The following GAS2 variants were observed in gnomAD, a reference collection of about 807,000 sequenced individuals.
The protein encoded by GAS2 is growth arrest specific 2.
In GAS2, 20 loss-of-function variants were observed where a neutral mutation model predicts 37.5. The ratio of observed to expected loss-of-function variants is 0.53; its 90% confidence interval spans 0.37 to 0.77. The LOEUF is 0.77. GAS2 is among the 30% of genes least tolerant of loss of function. GAS2 has a pLI of 0.00. For synonymous variants in GAS2, 144 were observed against 132.2 expected (o/e 1.09, Z -0.61); for missense variants, 336 against 373.4 (o/e 0.90, Z 0.82).
chr11:22,641,573 G>T (rs12274782), intron 1 of GAS2, among the ~76,000 whole-genome samples: 2,426 of 149,080 alleles, frequency 0.016, 91 homozygotes, highest in African/African-American at 0.056. Context: ...ATTATTCCTT[G>T]CAACTGTAGG....
At chr11:22,650,212 A>G (rs1352596216) in intron 1 of GAS2, among the ~76,000 whole-genome samples, 16 of 150,874 alleles carry the variant, frequency 1.1e-4, no homozygotes, top group African/African-American at 2.9e-4. Flanking sequence ...TTCAGTTTCC[A>G]TGTAGTTGAG....
intron 3 of GAS2, among the ~76,000 whole-genome samples, chr11:22,708,697 A>G (rs1050540410): frequency 3.3e-5 from 5 of 152,166 alleles, no homozygotes; most frequent in African/African-American, 1.2e-4. Flanking sequence ...GATAGGTATT[A>G]CACTAGGTGC....
rs541676026 is a variant in GAS2 at position 22,637,260 on chromosome 11, T to TAAA, written c.-21+11448_-21+11449insAAA. 3.3e-3 allele frequency among the ~76,000 whole-genome samples: 13 copies of TAAA among 3,978 alleles called. 4 individuals carry two copies. The highest frequency in any genetic ancestry group is 0.012 in the African/African-American group (13 of 1,080). 2.6% of individuals were successfully genotyped at this position (3,978 alleles called of 152,430 possible). A position where few individuals can be genotyped will look rare whatever the true frequency, so the allele number is the denominator to read the frequency against. On this transcript the variant is annotated intron_variant, in intron 1 of 5. Coordinates refer to the GAS2 transcript ENST00000528582. The stretch of plus-strand genomic sequence containing the variant: ...ATTAATTATATTAATAGTATACTAA[T>TAAA]ATATTAATTATATTAATAGTATACT...
intron 3 of GAS2, among the ~76,000 whole-genome samples, chr11:22,687,844 G>A (rs980687088): frequency 9.8e-5 from 15 of 152,314 alleles, no homozygotes; most frequent in Non-Finnish European, 2.1e-4. Flanking sequence ...ACTCTTGAAA[G>A]CATTACCTTC....
At chr11:22,629,762 CTGTT>C (rs762010309) in intron 1 of GAS2, among the ~76,000 whole-genome samples, 4 of 151,954 alleles carry the variant, frequency 2.6e-5, no homozygotes, top group East Asian at 1.9e-4. Flanking sequence ...TGTGAGTTGT[CTGTT>C]TGCTCTGATG....
rs1451552774 is a variant in GAS2 at position 22,697,842 on chromosome 11, G to A, written c.267+12053G>A. Among the ~76,000 whole-genome samples, 3 of 152,184 alleles carry A rather than the reference G, an allele frequency of 2.0e-5. No individual in the cohort carries two copies. The East Asian group carries it at 5.8e-4, about 29-fold the overall frequency. On this transcript the variant is annotated intron_variant, in intron 3 of 7. Transcript: ENST00000454584. ...TTGTTTATCAGCTTAAGGAGATTTT[G>A]GGCTGAGACAATGGGGTTTTCTAGA...
chr11:22,759,036 T>TA (rs1486330864), intron 7 of GAS2, among the ~76,000 whole-genome samples: 2 of 152,136 alleles, frequency 1.3e-5, no homozygotes, highest in African/African-American at 4.8e-5. Context: ...CTAACCACCT[T>TA]ACAAGGTTTG....
In GAS2 at chr11:22,692,425, T is replaced by C. The variant is rs973612224; in HGVS notation, c.267+6636T>C. Among the ~76,000 whole-genome samples the C allele has an allele frequency of 1.1e-4, 16 of 152,226 alleles. 1 individual carries two copies. The highest frequency in any genetic ancestry group is 2.9e-5 in the Non-Finnish European group (2 of 68,048). ...GTGGTAGGGGCACAGCTTAGTTTTA[T>C]ACATTTTATGGAGACATGAGACATC... On this transcript the variant is annotated intron_variant, in intron 3 of 7. Coordinates refer to ENST00000454584, the MANE Select transcript of GAS2 (RefSeq NM_001143830.3).
intron 5 of GAS2, among the ~76,000 whole-genome samples, chr11:22,739,210 G>A (rs536116861): frequency 2.0e-5 from 3 of 152,140 alleles, no homozygotes; most frequent in Non-Finnish European, 4.4e-5. Context: ...ACCAACCTTG[G>A]GGCTTCTGGC....
At chr11:22,721,486 A>G (rs997979167) in intron 3 of GAS2, among the ~76,000 whole-genome samples, 3 of 152,034 alleles carry the variant, frequency 2.0e-5, no homozygotes, top group Non-Finnish European at 4.4e-5. Flanking sequence ...GAGTTGAGAG[A>G]CATGGAGATG....
intron 3 of GAS2, among the ~76,000 whole-genome samples, chr11:22,705,305 G>A (rs1851058599): frequency 6.6e-6 from 1 of 152,098 alleles, no homozygotes; most frequent in Non-Finnish European, 1.5e-5. Context: ...GCTTCTTAGA[G>A]TATTATTTTC....
At chr11:22,808,633 A>T (rs1159859027) in intron 7 of GAS2, among the ~76,000 whole-genome samples, 2 of 152,222 alleles carry the variant, frequency 1.3e-5, no homozygotes, top group African/African-American at 2.4e-5. Flanking sequence ...TTCTGGTTGA[A>T]ATGGCCTGCT....
intron 1 of GAS2, among the ~76,000 whole-genome samples, chr11:22,643,232 A>G (rs1232646290): frequency 1.3e-5 from 2 of 152,154 alleles, no homozygotes; most frequent in African/African-American, 4.8e-5. Context: ...GAGATGAGTT[A>G]TTAAAGACAT....
intron 7 of GAS2, among the ~76,000 whole-genome samples, chr11:22,796,622 C>T (rs1322523565): frequency 2.0e-5 from 3 of 152,020 alleles, no homozygotes; most frequent in African/African-American, 7.2e-5. Context: ...ACTAAAGATA[C>T]ATTAAAACCA....
At chr11:22,639,240 A>G (rs1858880128) in intron 1 of GAS2, among the ~76,000 whole-genome samples, 1 of 152,200 alleles carries the variant, frequency 6.6e-6, no homozygotes, top group African/African-American at 2.4e-5. Flanking sequence ...ATTAAGTCAC[A>G]CAGGCTTTGT....
chr11:22,648,767 T>C (rs1185878185), intron 1 of GAS2, among the ~76,000 whole-genome samples: 2 of 152,234 alleles, frequency 1.3e-5, no homozygotes, highest in Non-Finnish European at 2.9e-5. Flanking sequence ...TTTTTGTACA[T>C]TGATTTTGTA....
intron 3 of GAS2, among the ~76,000 whole-genome samples, chr11:22,696,812 T>A (rs1850543885): frequency 2.0e-5 from 3 of 152,046 alleles, no homozygotes; most frequent in Admixed American, 6.6e-5. Flanking sequence ...CTTGTAAATT[T>A]GTTTGAGTTC....
chr11:22,697,020 T>G (rs1850559621), intron 3 of GAS2, among the ~76,000 whole-genome samples: 2 of 151,748 alleles, frequency 1.3e-5, no homozygotes, highest in Admixed American at 6.6e-5. Context: ...TCCTTGCCCA[T>G]GCCTATGTCC....
chr11:22,749,325 T>C, intron 6 of GAS2, 64 bp downstream of exon 6: 1 of 1,413,262 alleles, frequency 7.1e-7, no homozygotes, highest in Non-Finnish European at 9.8e-7. Context: ...AAACATATTC[T>C]GTGCAATCTC....
Sources: allele counts gnomAD v4.1 joint callset (sites outside exome capture counted in the v4.1 genomes callset), GRCh38; gene constraint gnomAD v4.1.1; transcripts MANE v1.5; gene names NCBI Gene and HGNC (gene_info 2026-07-23, HGNC 2026-07-21).